TP53INP1: variants seen among roughly 807,000 people sequenced by gnomAD.
TP53INP1 encodes tumor protein p53-inducible nuclear protein 1.
Under a neutral mutation model 21.0 loss-of-function variants are expected in TP53INP1, and 12 were observed. That is an observed-to-expected ratio of 0.57 (90% CI 0.37 to 0.93). The LOEUF (loss-of-function observed/expected upper bound fraction) is 0.93, where lower values mean the gene tolerates loss of function less well. Ranked by LOEUF, TP53INP1 falls within the 40% of genes least tolerant of loss-of-function variation. TP53INP1 has a pLI of 0.01. For synonymous variants in TP53INP1, 91 were observed against 94.8 expected, an observed-to-expected ratio of 0.96 and a Z score of 0.23; for missense variants, 274 against 294.7, an observed-to-expected ratio of 0.93 and a Z score of 0.51.
rs910906214 is a variant in TP53INP1, at chr8:94,926,619, A to C, written c.*3860T>G. The C allele has an allele frequency of 4.6e-5, 7 of 152,156 alleles. No individual in the cohort carries two copies. The highest frequency in any genetic ancestry group is 1.7e-4 in the African/African-American group (7 of 41,422). The allele number at this position is 152,156 out of a possible 1,614,324, so 9.4% of individuals were successfully genotyped here. A position where few individuals can be genotyped will look rare whatever the true frequency, so the allele number is the denominator to read the frequency against. ...AAAACTGGACATTTAACAATTACAC[A>C]ATTTTTAAAAGTGTCGTAAAATTCT... On this transcript the variant is annotated 3_prime_UTR_variant, in exon 4 of 4. Coordinates refer to ENST00000342697, the MANE Select transcript of TP53INP1 (RefSeq NM_033285.4).
intron 2 of TP53INP1, 117 bp from the exon 3 acceptor site, chr8:94,940,337 G>A (rs933745695): frequency 4.9e-6 from 6 of 1,233,672 alleles, no homozygotes; most frequent in East Asian, 2.3e-5. Flanking sequence ...CACAGAAAAA[G>A]AAGAGATGAT....
At chr8:94,939,427 T>G (rs774199147) in intron 3 of TP53INP1, among the ~76,000 whole-genome samples, 1 of 152,190 alleles carries the variant, frequency 6.6e-6, no homozygotes, top group Non-Finnish European at 1.5e-5. Context: ...GACAGAGTCT[T>G]GCTCTGTCAC....
At chr8:94,935,669 G>C (rs1488200349) in intron 3 of TP53INP1, among the ~76,000 whole-genome samples, 3 of 152,116 alleles carry the variant, frequency 2.0e-5, no homozygotes, top group African/African-American at 7.2e-5. Flanking sequence ...GGGACTCCTT[G>C]GTATGGGAGC....
chr8:94,932,218 C>T, intron 3 of TP53INP1: 1 of 1,129,510 alleles, frequency 8.9e-7, no homozygotes, highest in African/African-American at 1.5e-5. Flanking sequence ...TACTATGTGC[C>T]ATTAAAGGCA....
intron 3 of TP53INP1, chr8:94,932,252 G>C (rs886169522): frequency 5.0e-6 from 4 of 803,928 alleles, no homozygotes; most frequent in Non-Finnish European, 8.0e-6. Flanking sequence ...AAGATAACAT[G>C]TAAAACCTTC....
At chr8:94,939,225 T>G (rs1821283664) in intron 3 of TP53INP1, among the ~76,000 whole-genome samples, 1 of 152,230 alleles carries the variant, frequency 6.6e-6, no homozygotes, top group Non-Finnish European at 1.5e-5. Flanking sequence ...CATGATATTC[T>G]AGTTGAATTT....
At chr8:94,937,812 CCAA>C (rs1821139629) in intron 3 of TP53INP1, among the ~76,000 whole-genome samples, 1 of 152,014 alleles carries the variant, frequency 6.6e-6, no homozygotes, top group Non-Finnish European at 1.5e-5. Context: ...AAAACTGGAG[CCAA>C]CAACGAATGC....
At chr8:94,943,488 A>G (rs1821735349) in intron 1 of TP53INP1, among the ~76,000 whole-genome samples, 1 of 152,146 alleles carries the variant, frequency 6.6e-6, no homozygotes, top group African/African-American at 2.4e-5. Context: ...CCTTGTCTCA[A>G]AAAAAAGTTA....
intron 3 of TP53INP1, 61 bp downstream of exon 3, chr8:94,939,799 A>C: frequency 6.4e-7 from 1 of 1,563,066 alleles, no homozygotes; most frequent in Non-Finnish European, 8.7e-7. Context: ...TTTGAATTAC[A>C]GTAGAGACAA....
chr8:94,937,030 G>A (rs1036511145), intron 3 of TP53INP1, among the ~76,000 whole-genome samples: 13 of 152,186 alleles, frequency 8.5e-5, no homozygotes, highest in African/African-American at 3.1e-4. Flanking sequence ...TGGGTCTTGA[G>A]AAGAAAAGAC....
chr8:94,941,739 C>A (rs2131372668), intron 1 of TP53INP1, among the ~76,000 whole-genome samples: 1 of 152,336 alleles, frequency 6.6e-6, no homozygotes, highest in Non-Finnish European at 1.5e-5. Context: ...TGCATTCAAA[C>A]CCTGGCTAGC....
intron 3 of TP53INP1, among the ~76,000 whole-genome samples, chr8:94,935,831 A>G (rs983853972): frequency 1.3e-5 from 2 of 152,184 alleles, no homozygotes; most frequent in Admixed American, 6.5e-5. Flanking sequence ...CCTTTACCTA[A>G]ATGTTTTATG....
In TP53INP1 at chr8:94,940,253, G is replaced by A. The variant is rs777288884; in HGVS notation, c.113-33C>T. 3.0e-5 allele frequency: 47 copies of A among 1,560,034 alleles called. No homozygotes were observed. The African/African-American group carries it at 5.9e-4, about 19-fold the overall frequency. On this transcript the variant is annotated intron_variant, in intron 2 of 3. Coordinates refer to ENST00000342697, the MANE Select transcript of TP53INP1 (RefSeq NM_033285.4). The stretch of plus-strand genomic sequence containing the variant: ...GTAGTCCACATTGCAGTCCACATGT[G>A]TTGTTGAAGAGTCCCACAGGAGGAT...
chr8:94,935,960 A>G (rs1820935859), intron 3 of TP53INP1, among the ~76,000 whole-genome samples: 1 of 152,328 alleles, frequency 6.6e-6, no homozygotes, highest in African/African-American at 2.4e-5. Context: ...GACCAACAGC[A>G]CTGCCCAGGC....
intron 1 of TP53INP1, chr8:94,945,621 T>G (rs1319868693): frequency 2.6e-5 from 4 of 152,232 alleles, no homozygotes; most frequent in Admixed American, 2.6e-4. Context: ...TACATGGAGG[T>G]AAATGGAAAA....
intron 3 of TP53INP1, among the ~76,000 whole-genome samples, chr8:94,933,835 G>GGC (rs796460969): frequency 0.013 from 184 of 14,284 alleles, 8 homozygotes; most frequent in African/African-American, 0.02. Flanking sequence ...AGCACTTTGT[G>GGC]GGGGGGGGGG....
rs1211585554 is a variant in TP53INP1, at chr8:94,929,912, A to G, written c.*567T>C. 1 of 153,018 alleles carries G rather than the reference A, an allele frequency of 6.5e-6. No homozygotes were observed. Among genetic ancestry groups the G allele is most frequent in the African/African-American group, 2.4e-5 (1 of 41,462 alleles). 9.5% of individuals were successfully genotyped at this position (153,018 alleles called of 1,614,324 possible). A position where few individuals can be genotyped will look rare whatever the true frequency, so the allele number is the denominator to read the frequency against. On this transcript the variant is annotated 3_prime_UTR_variant, in exon 4 of 4. Transcript: ENST00000342697. The stretch of plus-strand genomic sequence containing the variant: ...TGAACTGTATGACTAATCTGGGGAA[A>G]AACCATACACACAGAATACATCAAG...
Position 94,939,921 on chromosome 8 carries a change from A to G in TP53INP1, c.412T>C (p.Cys138Arg), listed in dbSNP as rs775352688. ...SMSVYAVHNS[C>R]PGLSEATRGT... ...CGGGTGGCCTCACTGAGACCAGGGC[A>G]GGAGTTATGCACAGCATAGACAGAC... Residue 138 changes from cysteine (C) to arginine (R), a missense_variant, in exon 3 of 4, where the codon TGC becomes CGC. Cys to Arg is a radical substitution (Grantham distance 180). Transcript: ENST00000342697. 2 of 1,614,212 alleles carry G rather than the reference A, an allele frequency of 1.2e-6. No homozygotes were observed. Among genetic ancestry groups the G allele is most frequent in the Admixed American group, 1.7e-5 (1 of 60,024 alleles).
intron 3 of TP53INP1, among the ~76,000 whole-genome samples, chr8:94,933,755 ACT>A (rs927569866): frequency 2.9e-5 from 4 of 137,724 alleles, no homozygotes; most frequent in South Asian, 2.4e-4. Context: ...ACAGAGCAAG[ACT>A]CTCTCAAAAA....
Sources: allele counts gnomAD v4.1 joint callset (sites outside exome capture counted in the v4.1 genomes callset), GRCh38; gene constraint gnomAD v4.1.1; transcripts MANE v1.5; gene names NCBI Gene and HGNC (gene_info 2026-07-23, HGNC 2026-07-21).